The following NTM variants were observed in gnomAD, a reference collection of about 807,000 sequenced individuals.
The protein encoded by NTM is IgLON family member 2.
A neutral mutation model predicts 42.1 loss-of-function variants in NTM; 13 were observed. That is an observed-to-expected ratio of 0.31 (90% CI 0.20 to 0.49). NTM has a LOEUF of 0.49. NTM is among the 20% of genes least tolerant of loss of function. The probability of loss-of-function intolerance (pLI) is 0.99; values close to 1 mark genes in which losing one functional copy is unlikely to be tolerated. For synonymous variants in NTM, 187 were observed against 179.2 expected (o/e 1.04, Z -0.35); for missense variants, 373 against 452.8 (o/e 0.82, Z 1.60).
Position 131,551,720 on chromosome 11 carries a change from C to T in NTM, c.82+180832C>T, listed in dbSNP as rs114738189. Among the ~76,000 whole-genome samples, 842 of 152,286 alleles carry T rather than the reference C, an allele frequency of 5.5e-3. 8 individuals carry two copies. Among genetic ancestry groups the T allele is most frequent in the African/African-American group, 0.019 (806 of 41,554 alleles). On this transcript the variant is annotated intron_variant, in intron 1 of 8. Coordinates refer to ENST00000683400, the MANE Select transcript of NTM (RefSeq NM_001352005.2). ...TTTCTTCTGCCCTTGAGAGGATCGACACATGTTTTTGTGGAGAATTCAGGT... is the reference window on the plus strand; with the variant it reads ...TTTCTTCTGCCCTTGAGAGGATCGATACATGTTTTTGTGGAGAATTCAGGT...
At chr11:132,181,218 T>G (rs1424998248) in intron 3 of NTM, among the ~76,000 whole-genome samples, 1 of 152,206 alleles carries the variant, frequency 6.6e-6, no homozygotes, top group African/African-American at 2.4e-5. Context: ...CTCAGTTTCT[T>G]TTCTTTATCC....
chr11:131,638,416 A>G (rs532071750), intron 1 of NTM, among the ~76,000 whole-genome samples: 2 of 151,972 alleles, frequency 1.3e-5, no homozygotes, highest in South Asian at 4.2e-4. Flanking sequence ...AAACACAAAA[A>G]TTAGCCGGGC....
At chr11:131,890,472 G>A (rs548275033) in intron 1 of NTM, among the ~76,000 whole-genome samples, 16 of 152,326 alleles carry the variant, frequency 1.1e-4, no homozygotes, top group Non-Finnish European at 1.9e-4. Flanking sequence ...AGCCCTGTGC[G>A]TTGTTTACAG....
At chr11:132,212,198 T>G (rs1192311851) in intron 4 of NTM, 51 bp downstream of exon 4, 13 of 1,549,112 alleles carry the variant, frequency 8.4e-6, no homozygotes, top group Middle Eastern at 1.7e-4. Context: ...GGGGGAATTT[T>G]GGGCCTTTGG....
intron 2 of NTM, among the ~76,000 whole-genome samples, chr11:132,018,659 T>C (rs1448193922): frequency 1.3e-5 from 2 of 152,010 alleles, no homozygotes. Flanking sequence ...TGCATCTATG[T>C]TTATGAGATA....
At chr11:131,842,122 C>T (rs982726369) in intron 1 of NTM, among the ~76,000 whole-genome samples, 3 of 152,154 alleles carry the variant, frequency 2.0e-5, no homozygotes, top group Non-Finnish European at 4.4e-5. Context: ...GTTAGAGGAG[C>T]TCCTTTACAG....
At chr11:131,855,206 A>C (rs2045976682) in intron 1 of NTM, among the ~76,000 whole-genome samples, 1 of 152,236 alleles carries the variant, frequency 6.6e-6, no homozygotes, top group South Asian at 2.1e-4. Context: ...AGCAGGTAGT[A>C]CGTACAAGAA....
chr11:132,134,723 ATATATATATAT>A (rs1566259494), intron 2 of NTM, among the ~76,000 whole-genome samples: 1 of 58,596 alleles, frequency 1.7e-5, no homozygotes, highest in East Asian at 3.8e-4. Flanking sequence ...ATATATATAT[ATATATATATAT>A]ATATATATAT....
intron 2 of NTM, among the ~76,000 whole-genome samples, chr11:131,959,651 C>T (rs570792646): frequency 6.6e-6 from 1 of 152,210 alleles, no homozygotes; most frequent in East Asian, 1.9e-4. Flanking sequence ...CCTTGTTTTC[C>T]TGCGGGTGAA....
chr11:131,796,865 T>G (rs1013231724), intron 1 of NTM, among the ~76,000 whole-genome samples: 1 of 152,118 alleles, frequency 6.6e-6, no homozygotes, highest in Non-Finnish European at 1.5e-5. Context: ...CTAGAGAGAG[T>G]GGCATTAACA....
intron 1 of NTM, among the ~76,000 whole-genome samples, chr11:131,822,455 A>T (rs966040033): frequency 1.3e-5 from 2 of 152,168 alleles, no homozygotes; most frequent in African/African-American, 2.4e-5. Context: ...TGGTTTTTTT[A>T]AAAAAACAAA....
At chr11:131,770,569 A>G (rs981052527) in intron 1 of NTM, among the ~76,000 whole-genome samples, 3 of 152,254 alleles carry the variant, frequency 2.0e-5, no homozygotes, top group African/African-American at 7.2e-5. Flanking sequence ...GCCTTCACTG[A>G]GTTATAAAAT....
chr11:131,486,468 G>A (rs879729860), intron 1 of NTM, among the ~76,000 whole-genome samples: 7 of 152,158 alleles, frequency 4.6e-5, no homozygotes, highest in Non-Finnish European at 1.0e-4. Context: ...CAGTGAGGAT[G>A]CTCTTCAATG....
intron 1 of NTM, among the ~76,000 whole-genome samples, chr11:131,741,008 T>C (rs1452928683): frequency 6.6e-6 from 1 of 151,776 alleles, no homozygotes; most frequent in Non-Finnish European, 1.5e-5. Flanking sequence ...CTGCTAAAAC[T>C]AGAAAAATTA....
At chr11:131,818,326 A>T (rs2093036496) in intron 1 of NTM, among the ~76,000 whole-genome samples, 1 of 152,204 alleles carries the variant, frequency 6.6e-6, no homozygotes, top group Admixed American at 6.5e-5. Context: ...AACAGAGGAC[A>T]GTTTTTAAAG....
At chr11:131,760,230 A>G (rs2083930634) in intron 1 of NTM, among the ~76,000 whole-genome samples, 1 of 152,166 alleles carries the variant, frequency 6.6e-6, no homozygotes, top group South Asian at 2.1e-4. Flanking sequence ...GTTTTTCCGG[A>G]AGCAGATGCA....
intron 3 of NTM, among the ~76,000 whole-genome samples, chr11:132,166,503 T>C (rs2075300083): frequency 1.3e-5 from 2 of 152,026 alleles, no homozygotes; most frequent in African/African-American, 2.4e-5. Context: ...GGAGGGTGAG[T>C]GGATTAGAGA....
chr11:131,757,657 A>T (rs2083512335), intron 1 of NTM, among the ~76,000 whole-genome samples: 1 of 152,168 alleles, frequency 6.6e-6, no homozygotes, highest in Non-Finnish European at 1.5e-5. Flanking sequence ...TCCACTGGAG[A>T]CACTGATGTG....
At chr11:131,876,889 C>T (rs577762117) in intron 1 of NTM, among the ~76,000 whole-genome samples, 2 of 150,090 alleles carry the variant, frequency 1.3e-5, no homozygotes, top group South Asian at 2.1e-4. Flanking sequence ...GACAGAGTCT[C>T]ACTCTGTCAC....
Sources: gnomAD v4.1 joint callset for allele counts (sites outside exome capture counted in the v4.1 genomes callset) on GRCh38, gnomAD v4.1.1 for gene constraint, MANE v1.5 for transcripts, NCBI Gene and HGNC (gene_info 2026-07-23, HGNC 2026-07-21) for gene names.